RCAN1: variants seen among roughly 807,000 people sequenced by gnomAD.
RCAN1 encodes the protein regulator of calcineurin 1.
A neutral mutation model predicts 22.9 loss-of-function variants in RCAN1; 11 were observed. That is an observed-to-expected ratio of 0.48 (90% CI 0.30 to 0.79). The LOEUF is 0.79. RCAN1 is among the 30% of genes least tolerant of loss of function. RCAN1 has a pLI of 0.06. For missense variants in RCAN1, 291 were observed against 337.8 expected, an observed-to-expected ratio of 0.86 and a Z score of 1.09; for synonymous variants, 136 against 142.3, an observed-to-expected ratio of 0.96 and a Z score of 0.32.
At chr21:34,527,032 T>G (rs1328947412) in intron 1 of RCAN1, 20 of 1,139,392 alleles carry the variant, frequency 1.8e-5, no homozygotes, top group Non-Finnish European at 2.1e-5. Flanking sequence ...CTATGCTAAT[T>G]AACTTTGCTT....
At chr21:34,568,976 C>T (rs1421911934) in intron 1 of RCAN1, among the ~76,000 whole-genome samples, 1 of 152,160 alleles carries the variant, frequency 6.6e-6, no homozygotes, top group Non-Finnish European at 1.5e-5. Flanking sequence ...GAGGAAGAAA[C>T]AAAAGTGAAA....
intron 1 of RCAN1, among the ~76,000 whole-genome samples, chr21:34,589,025 T>A (rs1987887541): frequency 6.6e-6 from 1 of 151,682 alleles, no homozygotes; most frequent in South Asian, 2.1e-4. Context: ...AAATGGGGAG[T>A]TGATGTTTGA....
rs1257499360 is a variant in RCAN1 at position 34,525,142 on chromosome 21, A to T, written c.253-1432T>A. On this transcript the variant is annotated intron_variant, in intron 1 of 3. Coordinates refer to ENST00000313806, the MANE Select transcript of RCAN1 (RefSeq NM_004414.7). ...TCTGCAGTGGGAGCGAGGATTCAGG[A>T]TAAGAGAGGAGAGTGTCTTCAGGAA... 3 of 1,550,436 alleles carry T rather than the reference A, an allele frequency of 1.9e-6. No homozygotes were observed. The African/African-American group carries it at 4.1e-5, about 21-fold the overall frequency.
intron 1 of RCAN1, among the ~76,000 whole-genome samples, chr21:34,551,375 C>T (rs1318737053): frequency 1.3e-5 from 2 of 152,128 alleles, no homozygotes; most frequent in East Asian, 3.8e-4. Flanking sequence ...ATCACATTTC[C>T]TAAAATTTTA....
intron 1 of RCAN1, among the ~76,000 whole-genome samples, chr21:34,533,013 T>G (rs998990689): frequency 3.3e-5 from 5 of 150,816 alleles, no homozygotes; most frequent in African/African-American, 2.4e-5. Flanking sequence ...CAGGCTGGAG[T>G]GCAGTGGCAC....
chr21:34,581,691 A>G (rs1987614914), intron 1 of RCAN1, among the ~76,000 whole-genome samples: 1 of 152,252 alleles, frequency 6.6e-6, no homozygotes. Flanking sequence ...TACAGGCCCT[A>G]AAAATATTAC....
At chr21:34,593,100 A>G (rs1988026827) in intron 1 of RCAN1, among the ~76,000 whole-genome samples, 1 of 152,244 alleles carries the variant, frequency 6.6e-6, no homozygotes, top group Admixed American at 6.5e-5. Context: ...TTACAATAAC[A>G]TTTGACCCTG....
chr21:34,578,104 C>T (rs982263592), intron 1 of RCAN1, among the ~76,000 whole-genome samples: 2 of 151,750 alleles, frequency 1.3e-5, no homozygotes, highest in Non-Finnish European at 2.9e-5. Flanking sequence ...ACCAAGGTCA[C>T]ACAGTCCAGA....
At chr21:34,597,629 C>T (rs1014178893) in intron 1 of RCAN1, among the ~76,000 whole-genome samples, 13 of 152,182 alleles carry the variant, frequency 8.5e-5, no homozygotes, top group Admixed American at 6.5e-4. Flanking sequence ...TATTGCCACA[C>T]CCAAGCTATG....
chr21:34,527,861 A>T (rs2123595518), intron 1 of RCAN1, among the ~76,000 whole-genome samples: 1 of 152,272 alleles, frequency 6.6e-6, no homozygotes, highest in South Asian at 2.1e-4. Context: ...ATGTAAAAAA[A>T]AAAAAAAAAA....
At position 34,517,418 on chromosome 21, in the gene RCAN1, G is replaced by C. The variant is rs1389054619; in HGVS notation, c.*666C>G. 6.6e-6 allele frequency: 1 copy of C among 152,210 alleles called. No individual in the cohort carries two copies. The highest frequency in any genetic ancestry group is 1.5e-5 in the Non-Finnish European group (1 of 68,030). 9.4% of individuals were successfully genotyped at this position (152,210 alleles called of 1,614,324 possible). A position where few individuals can be genotyped will look rare whatever the true frequency, so the allele number is the denominator to read the frequency against. The stretch of plus-strand genomic sequence containing the variant: ...GTGAATGCATTCCAGGAAGAGTTCC[G>C]CAAGCAAGTGCTGTTGCAAAGAGTC... On this transcript the variant is annotated 3_prime_UTR_variant, in exon 4 of 4. Transcript: ENST00000313806.
chr21:34,546,061 A>G (rs1291933946), intron 1 of RCAN1, among the ~76,000 whole-genome samples: 1 of 152,236 alleles, frequency 6.6e-6, no homozygotes, highest in East Asian at 1.9e-4. Context: ...GAAGGACATC[A>G]GTCAATCTTT....
Position 34,518,340 on chromosome 21 carries a change from G to T in RCAN1, c.587-84C>A. The T allele has an allele frequency of 7.2e-7, 1 of 1,395,370 alleles. No homozygotes were observed. Among genetic ancestry groups the T allele is most frequent in the Non-Finnish European group, 9.8e-7 (1 of 1,021,600 alleles). The allele number at this position is 1,395,370 out of a possible 1,614,324, so 86.4% of individuals were successfully genotyped here. A position where few individuals can be genotyped will look rare whatever the true frequency, so the allele number is the denominator to read the frequency against. ...AACATAAAAGAGCATTCAGGGCTCT[G>T]CTGGGCCAGCTGCTCGTGACCATTC... On this transcript the variant is annotated intron_variant, in intron 3 of 3. Transcript: ENST00000313806. This position sits in a 1 kb window ranked among gnomAD's most constrained non-coding sequence, Gnocchi z 4.2.
chr21:34,566,102 G>C (rs935396252), intron 1 of RCAN1, among the ~76,000 whole-genome samples: 10 of 152,336 alleles, frequency 6.6e-5, no homozygotes, highest in African/African-American at 2.4e-4. Context: ...GCTGCATAAA[G>C]ATGAAATGGG....
chr21:34,555,201 G>A (rs1986512008), intron 1 of RCAN1, among the ~76,000 whole-genome samples: 1 of 152,214 alleles, frequency 6.6e-6, no homozygotes, highest in African/African-American at 2.4e-5. Flanking sequence ...AGACAGAAGA[G>A]ACAGATCACT....
chr21:34,579,619 A>G (rs1268959682), intron 1 of RCAN1, among the ~76,000 whole-genome samples: 3 of 152,214 alleles, frequency 2.0e-5, no homozygotes, highest in Non-Finnish European at 4.4e-5. Flanking sequence ...CCAATTCAAC[A>G]ACCAGGTCCC....
chr21:34,605,109 G>C (rs1420306088), intron 1 of RCAN1, among the ~76,000 whole-genome samples: 4 of 152,252 alleles, frequency 2.6e-5, no homozygotes, highest in Non-Finnish European at 2.9e-5. Flanking sequence ...GTTGCCAGAG[G>C]AGATTAACAT....
intron 1 of RCAN1, among the ~76,000 whole-genome samples, chr21:34,545,083 G>C (rs1464526407): frequency 6.6e-6 from 1 of 152,214 alleles, no homozygotes; most frequent in Non-Finnish European, 1.5e-5. Flanking sequence ...CTGCCATCAT[G>C]GTGCGGGCTG....
rs564683213 is a variant in RCAN1, at chr21:34,551,520, C to T, written c.253-27810G>A. 4.3e-4 allele frequency among the ~76,000 whole-genome samples: 65 copies of T among 152,298 alleles called. No individual in the cohort carries two copies. In the South Asian group the frequency reaches 0.013, roughly 31 times the overall value. On this transcript the variant is annotated intron_variant, in intron 1 of 3. Transcript: ENST00000313806. ...GCAGAAGGCAGCTCTCTCACTGGTTCAACAATTCTTCAGCTAGTCCAAAAC... is the reference window on the plus strand; with the variant it reads ...GCAGAAGGCAGCTCTCTCACTGGTTTAACAATTCTTCAGCTAGTCCAAAAC...
Sources: allele counts gnomAD v4.1 joint callset (sites outside exome capture counted in the v4.1 genomes callset), GRCh38; gene constraint gnomAD v4.1.1; non-coding constraint Gnocchi (gnomAD v3.1); transcripts MANE v1.5; gene names NCBI Gene and HGNC (gene_info 2026-07-23, HGNC 2026-07-21).